Variants in GRHL3 observed in about 807,000 individuals in gnomAD.
GRHL3 encodes the protein grainyhead-like protein 3 homolog.
A neutral mutation model predicts 70.3 loss-of-function variants in GRHL3; 20 were observed. That is an observed-to-expected ratio of 0.28 (90% CI 0.20 to 0.41). The LOEUF (loss-of-function observed/expected upper bound fraction) is 0.41. GRHL3 is among the 10% of genes least tolerant of loss of function. The pLI is 1.00. For missense variants in GRHL3, 637 were observed against 762.3 expected, an observed-to-expected ratio of 0.84 and a Z score of 1.94; for synonymous variants, 299 against 299.9, an observed-to-expected ratio of 1.00 and a Z score of 0.03.
chr1:24,339,345 G>A (rs1320784088), intron 7 of GRHL3, among the ~76,000 whole-genome samples: 2 of 151,136 alleles, frequency 1.3e-5, no homozygotes, highest in East Asian at 2.0e-4. Flanking sequence ...GCGCGATCTC[G>A]GCTCACTGCA....
Position 24,334,592 on chromosome 1 carries a change from T to C in GRHL3, c.205-53T>C. The C allele has an allele frequency of 6.8e-7, 1 of 1,475,608 alleles. No individual in the cohort carries two copies. The highest frequency in any genetic ancestry group is 1.2e-5 in the South Asian group (1 of 85,832). The allele number at this position is 1,475,608 out of a possible 1,614,324, so 91.4% of individuals were successfully genotyped here. ...CAAAGCTGCAGGAGGGGATTGAGGCTCCTACCAGCAGAAGCTTAGCCATGC... is the reference window on the plus strand; with the variant it reads ...CAAAGCTGCAGGAGGGGATTGAGGCCCCTACCAGCAGAAGCTTAGCCATGC... On this transcript the variant is annotated intron_variant, in intron 2 of 15. Coordinates refer to ENST00000361548, the MANE Select transcript of GRHL3 (RefSeq NM_198173.3). The surrounding 1 kb of genome is among the most constrained non-coding windows in gnomAD (Gnocchi z 4.3).
chr1:24,333,821 A>C (rs1428844520), intron 2 of GRHL3, among the ~76,000 whole-genome samples: 1 of 152,208 alleles, frequency 6.6e-6, no homozygotes, highest in African/African-American at 2.4e-5. Flanking sequence ...TCTCAGAGTG[A>C]CTGTGAGGAT....
rs762468284 is a variant in GRHL3 at position 24,350,040 on chromosome 1, C to A, written c.1630-18C>A. On this transcript the variant is annotated intron_variant, in intron 14 of 15. Coordinates refer to ENST00000361548, the MANE Select transcript of GRHL3 (RefSeq NM_198173.3). ...AGCGTGGGCAGCAGGCAATGAATCA[C>A]CTGTCTTTTCCTTCCAGATCTCTGA... 2 of 1,601,752 alleles carry A rather than the reference C, an allele frequency of 1.2e-6. No individual in the cohort carries two copies. Among genetic ancestry groups the A allele is most frequent in the South Asian group, 2.2e-5 (2 of 90,364 alleles).
At position 24,342,713 on chromosome 1, in the gene GRHL3, G is replaced by T; in HGVS notation, c.1226G>T (p.Arg409Leu). The T allele has an allele frequency of 1.2e-6, 2 of 1,614,216 alleles. No homozygotes were observed. Among genetic ancestry groups the T allele is most frequent in the Non-Finnish European group, 1.7e-6 (2 of 1,180,046 alleles). Residue 409 changes from arginine (R) to leucine (L), a missense_variant, in exon 10 of 16, where the codon CGC (arginine) becomes CTC (leucine). By Grantham distance (102) the Arg-to-Leu change is moderately radical. Coordinates refer to ENST00000361548, the MANE Select transcript of GRHL3 (RefSeq NM_198173.3). The surrounding 1 kb of genome is among the most constrained non-coding windows in gnomAD (Gnocchi z 4.8). Reference protein sequence around the residue: ...FCDKGAERKMRDDERKQFRRK... With the variant: ...FCDKGAERKMLDDERKQFRRK... ...CTGCAGGGAGCTGAGAGGAAGATGC[G>T]CGATGACGAGCGGAAGCAGTTCCGG...
chr1:24,337,064 G>C lies in GRHL3; in HGVS notation c.613-14G>C. 6.2e-7 allele frequency: 1 copy of C among 1,613,150 alleles called. No homozygotes were observed. Among genetic ancestry groups the C allele is most frequent in the Non-Finnish European group, 8.5e-7 (1 of 1,179,164 alleles). On this transcript the variant is annotated splice_polypyrimidine_tract_variant and intron_variant, in intron 4 of 15. Coordinates refer to ENST00000361548, the MANE Select transcript of GRHL3 (RefSeq NM_198173.3). ...TGTGAGCATTTATTCTCTTGGGGCT[G>C]TGTTTCTCTGCAGTCGATGCTCTTC...
intron 15 of GRHL3, among the ~76,000 whole-genome samples, chr1:24,351,080 G>T (rs1020686522): frequency 3.9e-5 from 6 of 152,224 alleles, no homozygotes; most frequent in Non-Finnish European, 8.8e-5. Flanking sequence ...CCTGGGAAAT[G>T]CACTCCTAGC....
chr1:24,326,918 C>T (rs1432308056), intron 1 of GRHL3, among the ~76,000 whole-genome samples: 3 of 152,106 alleles, frequency 2.0e-5, no homozygotes, highest in Non-Finnish European at 4.4e-5. Flanking sequence ...TTGGGAGGCT[C>T]TATGAGATAA....
intron 1 of GRHL3, 80 bp from the exon 2 acceptor site, chr1:24,331,346 C>T: frequency 7.7e-7 from 1 of 1,298,300 alleles, no homozygotes; most frequent in Non-Finnish European, 1.1e-6. Context: ...CTCTGAATTC[C>T]TGGGCGTTGG....
chr1:24,338,015 C>T lies in GRHL3; in HGVS notation c.864C>T (p.Asp288=). The change falls in exon 7 of 16, where the codon GAC becomes GAT. Residue 288 remains aspartate, a synonymous_variant. Transcript: ENST00000361548. The stretch of plus-strand genomic sequence containing the variant: ...AGAGTGTGGTGATGGTTGTCTTCGA[C>T]AATGAGAAGGTCCCAGTAGAGCAGC... ...KVKSVVMVVF[D]NEKVPVEQLR... is the part of the protein sequence containing the mutation. The T allele has an allele frequency of 6.2e-7, 1 of 1,611,084 alleles. No homozygotes were observed. Among genetic ancestry groups the T allele is most frequent in the Non-Finnish European group, 8.5e-7 (1 of 1,178,570 alleles).
At chr1:24,337,547 A>C in intron 5 of GRHL3, 89 bp from the exon 6 acceptor site, 1 of 1,368,600 alleles carries the variant, frequency 7.3e-7, no homozygotes, top group Non-Finnish European at 1.0e-6. Context: ...CAAGTCTGTA[A>C]CATAGCCTCA....
chr1:24,331,141 A>T (rs1176384912), intron 1 of GRHL3, among the ~76,000 whole-genome samples: 1 of 152,216 alleles, frequency 6.6e-6, no homozygotes, highest in African/African-American at 2.4e-5. Flanking sequence ...AAAGTATTTT[A>T]TTGAATCCAC....
Position 24,322,999 on chromosome 1 carries a change from C to T in GRHL3, c.17+3431C>T, listed in dbSNP as rs934367151. The stretch of plus-strand genomic sequence containing the variant: ...GGGTCTTAGCCGAGCAGCCATAGGC[C>T]ACCCCGCTTCCTCTGTGCTTAGCCT... On this transcript the variant is annotated intron_variant, in intron 1 of 15. Coordinates refer to ENST00000361548, the MANE Select transcript of GRHL3 (RefSeq NM_198173.3). This position sits in a 1 kb window ranked among gnomAD's most constrained non-coding sequence, Gnocchi z 4.4. 4.6e-6 allele frequency: 6 copies of T among 1,303,306 alleles called. No homozygotes were observed. Among genetic ancestry groups the T allele is most frequent in the East Asian group, 2.5e-5 (1 of 39,782 alleles). The allele number at this position is 1,303,306 out of a possible 1,614,324, so 80.7% of individuals were successfully genotyped here.
chr1:24,334,593 C>T lies in GRHL3; in HGVS notation c.205-52C>T, dbSNP rs1443294404. 5.4e-6 allele frequency: 8 copies of T among 1,485,368 alleles called. No individual in the cohort carries two copies. In the Admixed American group the frequency reaches 6.9e-5, roughly 13 times the overall value. The allele number at this position is 1,485,368 out of a possible 1,614,324, so 92.0% of individuals were successfully genotyped here. On this transcript the variant is annotated intron_variant, in intron 2 of 15. Transcript: ENST00000361548. This position sits in a 1 kb window ranked among gnomAD's most constrained non-coding sequence, Gnocchi z 4.3. ...AAAGCTGCAGGAGGGGATTGAGGCT[C>T]CTACCAGCAGAAGCTTAGCCATGCA... is the stretch of plus-strand genomic sequence containing the variant.
In GRHL3 at chr1:24,339,675, C is replaced by T. The variant is rs145941763; in HGVS notation, c.960C>T (p.Cys320=). ...GGTCTCCTGTGGTTTCAGCTGACTGCAAAGAAAACTTCAACACTGTGGAGC... is the reference window on the plus strand; with the variant it reads ...GGTCTCCTGTGGTTTCAGCTGACTGTAAAGAAAACTTCAACACTGTGGAGC... The part of the protein sequence containing the change: ...AKQRVIDVAD[C]KENFNTVEHI... The change falls in exon 8 of 16, where the codon TGC becomes TGT. Residue 320 remains cysteine (C), a synonymous_variant. Transcript: ENST00000361548. 72 of 1,610,512 alleles carry T rather than the reference C, an allele frequency of 4.5e-5. No individual in the cohort carries two copies. Among genetic ancestry groups the T allele is most frequent in the Middle Eastern group, 1.7e-4 (1 of 6,050 alleles).
downstream of GRHL3, chr1:24,357,917 C>T (rs1023544613): frequency 7.4e-5 from 24 of 325,088 alleles, no homozygotes; most frequent in South Asian, 6.0e-4. Context: ...AGATGATCTC[C>T]CACTCCAAAG....
chr1:24,330,466 C>T (rs1557693111), intron 1 of GRHL3, among the ~76,000 whole-genome samples: 2 of 152,214 alleles, frequency 1.3e-5, no homozygotes, highest in Non-Finnish European at 2.9e-5. Context: ...GTTTCCTCCA[C>T]TGTATAATAG....
At chr1:24,344,289 C>T (rs550051108) in intron 11 of GRHL3, among the ~76,000 whole-genome samples, 9 of 152,188 alleles carry the variant, frequency 5.9e-5, no homozygotes, top group Non-Finnish European at 1.0e-4. Flanking sequence ...TGACTGATGC[C>T]TGCCCCACAC....
chr1:24,352,550 T>C (rs751700604), intron 15 of GRHL3, among the ~76,000 whole-genome samples: 34 of 152,202 alleles, frequency 2.2e-4, no homozygotes, highest in Non-Finnish European at 4.3e-4. Flanking sequence ...TGTGCAGGTG[T>C]GAGCAGGTGT....
At chr1:24,331,871 G>A (rs769598179) in intron 2 of GRHL3, among the ~76,000 whole-genome samples, 9 of 152,160 alleles carry the variant, frequency 5.9e-5, no homozygotes, top group Non-Finnish European at 1.2e-4. Flanking sequence ...AACCACCATC[G>A]TCGTCCTTGA....
Sources: allele counts gnomAD v4.1 joint callset (sites outside exome capture counted in the v4.1 genomes callset), GRCh38; gene constraint gnomAD v4.1.1; non-coding constraint Gnocchi (gnomAD v3.1); transcripts MANE v1.5; gene names NCBI Gene and HGNC (gene_info 2026-07-23, HGNC 2026-07-21).